The following CERT1 variants were observed in gnomAD, a reference collection of about 807,000 sequenced individuals.
The protein encoded by CERT1 is ceramide transfer protein.
Under a neutral mutation model 87.9 loss-of-function variants are expected in CERT1, and 31 were observed. That is an observed-to-expected ratio of 0.35 (90% CI 0.27 to 0.48). The LOEUF (loss-of-function observed/expected upper bound fraction) is 0.48, where lower values mean the gene tolerates loss of function less well. CERT1 is among the 20% of genes least tolerant of loss of function. The pLI is 0.99. For missense variants in CERT1, 487 were observed against 758.0 expected (o/e 0.64, Z 4.20); for synonymous variants, 289 against 250.9 (o/e 1.15, Z -1.44).
intron 11 of CERT1, among the ~76,000 whole-genome samples, chr5:75,391,075 C>A (rs971874008): frequency 6.6e-6 from 1 of 152,134 alleles, no homozygotes; most frequent in African/African-American, 2.4e-5. Flanking sequence ...AAGGGATCCT[C>A]CTGCCTCAGC....
At chr5:75,434,640 G>GTT (rs1016576077) in intron 3 of CERT1, among the ~76,000 whole-genome samples, 2 of 143,868 alleles carry the variant, frequency 1.4e-5, no homozygotes, top group Admixed American at 6.9e-5. Context: ...TGATTGGTAG[G>GTT]TTTTTTTTTT....
chr5:75,452,329 C>A (rs1764800033), intron 3 of CERT1, among the ~76,000 whole-genome samples: 1 of 152,152 alleles, frequency 6.6e-6, no homozygotes. Context: ...CCCATAGGCA[C>A]CAACACTTTA....
chr5:75,479,468 A>T (rs940635446), intron 2 of CERT1, among the ~76,000 whole-genome samples: 1 of 151,946 alleles, frequency 6.6e-6, no homozygotes, highest in African/African-American at 2.4e-5. Context: ...CCTCAAGTAG[A>T]CCCCAGAGTC....
At chr5:75,405,872 TGG>T (rs141912723) in intron 8 of CERT1, among the ~76,000 whole-genome samples, 46,547 of 120,826 alleles carry the variant, frequency 0.39, 10,333 homozygotes, top group African/African-American at 0.68. Context: ...CTGCAGTTAC[TGG>T]GGGGGGGGGG....
At chr5:75,368,842 C>CA (rs746436738) in intron 17 of CERT1, 14 of 152,168 alleles carry the variant, frequency 9.2e-5, no homozygotes, top group Admixed American at 3.3e-4. Flanking sequence ...GTACTTTTGA[C>CA]AGAAGCACCT....
In CERT1 at chr5:75,379,352, C is replaced by G. The variant is rs1561218843; in HGVS notation, c.1869G>C (p.Leu623Phe). 1 of 1,612,418 alleles carries G rather than the reference C, an allele frequency of 6.2e-7. No homozygotes were observed. Among genetic ancestry groups the G allele is most frequent in the Admixed American group, 1.7e-5 (1 of 59,858 alleles). ...CTTCTAGTACCTGTTAATACTAGAA[C>G]AAAATAGGCTTTCCTGCAGTTTTTT... ...VQEKTAGKPI[L>F]F Residue 623 changes from leucine (L) to phenylalanine (F), a missense_variant, in exon 17 of 17, where the codon TTG becomes TTC. Leu to Phe is a conservative substitution (Grantham distance 22). Coordinates refer to ENST00000643780, the MANE Select transcript of CERT1 (RefSeq NM_001379029.1).
chr5:75,500,676 CCT>C (rs1471248035), intron 2 of CERT1, among the ~76,000 whole-genome samples: 7 of 152,136 alleles, frequency 4.6e-5, no homozygotes, highest in Non-Finnish European at 8.8e-5. Flanking sequence ...TGCATACCTT[CCT>C]CTCTTTCCTT....
chr5:75,469,192 C>T (rs1277512365), intron 2 of CERT1, among the ~76,000 whole-genome samples: 2 of 151,958 alleles, frequency 1.3e-5, no homozygotes, highest in African/African-American at 4.8e-5. Context: ...CAATAAAGAA[C>T]ATCAATAGCA....
chr5:75,382,600 T>C (rs965002723), intron 14 of CERT1, among the ~76,000 whole-genome samples: 1 of 152,022 alleles, frequency 6.6e-6, no homozygotes, highest in Non-Finnish European at 1.5e-5. Flanking sequence ...GGGAAACATA[T>C]ACTATGGGAA....
intron 2 of CERT1, among the ~76,000 whole-genome samples, chr5:75,477,555 A>G (rs1281786588): frequency 6.8e-6 from 1 of 146,330 alleles, no homozygotes; most frequent in African/African-American, 2.5e-5. Context: ...TAACTGCCTT[A>G]TTGCTTACCC....
intron 16 of CERT1, among the ~76,000 whole-genome samples, chr5:75,380,834 TA>T (rs1399607042): frequency 6.6e-6 from 1 of 151,588 alleles, no homozygotes; most frequent in Non-Finnish European, 1.5e-5. Context: ...GATAAAGTTT[TA>T]AAATTTTCCT....
At chr5:75,479,342 A>G (rs1022311872) in intron 2 of CERT1, among the ~76,000 whole-genome samples, 1 of 152,208 alleles carries the variant, frequency 6.6e-6, no homozygotes, top group Non-Finnish European at 1.5e-5. Flanking sequence ...AAGGTTTGTT[A>G]CATAGGTGAA....
chr5:75,381,231 G>A, intron 15 of CERT1, 30 bp from the exon 16 acceptor site: 1 of 1,612,876 alleles, frequency 6.2e-7, no homozygotes, highest in Non-Finnish European at 8.5e-7. Context: ...AGCATCAGTA[G>A]ATACCCAGTA....
intron 12 of CERT1, among the ~76,000 whole-genome samples, chr5:75,386,347 G>C (rs1246445634): frequency 2.0e-5 from 3 of 152,152 alleles, no homozygotes; most frequent in Admixed American, 1.3e-4. Context: ...ACATGGCTAA[G>C]AAAACCAAAT....
At chr5:75,511,849 G>A, upstream of CERT1, 1 of 1,544,822 alleles carries the variant, frequency 6.5e-7, no homozygotes, top group South Asian at 1.2e-5. Context: ...CTGCATTCTG[G>A]GAAGGGCGTT....
intron 2 of CERT1, among the ~76,000 whole-genome samples, chr5:75,485,083 G>A (rs147021712): frequency 9.5e-4 from 145 of 151,896 alleles, no homozygotes; most frequent in African/African-American, 3.3e-3. Context: ...TAAACAACAC[G>A]CTCCAGAATG....
intron 3 of CERT1, among the ~76,000 whole-genome samples, chr5:75,432,046 AT>A (rs1475512340): frequency 6.7e-6 from 1 of 148,592 alleles, no homozygotes; most frequent in East Asian, 2.0e-4. Flanking sequence ...GTGTATAAAC[AT>A]TCCCCCCCCC....
chr5:75,491,481 T>G (rs1018353088), intron 2 of CERT1, among the ~76,000 whole-genome samples: 1 of 152,158 alleles, frequency 6.6e-6, no homozygotes, highest in Non-Finnish European at 1.5e-5. Context: ...CCTGCTCTGA[T>G]CTGTCTGGTT....
At position 75,385,952 on chromosome 5, in the gene CERT1, T is replaced by A. The variant is rs1257986658; in HGVS notation, c.1367A>T (p.His456Leu). The A allele has an allele frequency of 6.3e-7, 1 of 1,591,724 alleles. No homozygotes were observed. Among genetic ancestry groups the A allele is most frequent in the African/African-American group, 1.3e-5 (1 of 74,238 alleles). Residue 456 changes from histidine (H) to leucine (L), a missense_variant, in exon 13 of 17, where the codon CAT becomes CTT. By Grantham distance (99) the His-to-Leu change is moderately conservative. Coordinates refer to ENST00000643780, the MANE Select transcript of CERT1 (RefSeq NM_001379029.1). Reference sequence around the variant, plus strand: ...ATTCCAGAAATAATTGCAGACTTCATGTCCTGTGACGCCTTTAACTGCATG... The same window carrying A: ...ATTCCAGAAATAATTGCAGACTTCAAGTCCTGTGACGCCTTTAACTGCATG... ...ATHAVKGVTG[H>L]EVCNYFWNVD...
Sources: gnomAD v4.1 joint callset for allele counts (sites outside exome capture counted in the v4.1 genomes callset) on GRCh38, gnomAD v4.1.1 for gene constraint, MANE v1.5 for transcripts, NCBI Gene and HGNC (gene_info 2026-07-23, HGNC 2026-07-21) for gene names.